Variants in SAXO1 observed in about 807,000 individuals in gnomAD.
The protein encoded by SAXO1 is stabilizer of axonemal microtubules 1.
SAXO1 carries 21 observed loss-of-function variants against 17.5 expected under a neutral mutation model. That is an observed-to-expected ratio of 1.20 (90% CI 0.85 to 1.72). The LOEUF is 1.72. SAXO1 is among the 40% of genes most tolerant of loss of function. The probability of loss-of-function intolerance (pLI) is 0.00; values close to 1 mark genes in which losing one functional copy is unlikely to be tolerated. For missense variants in SAXO1, 843 were observed against 596.0 expected (o/e 1.41, Z -4.32); for synonymous variants, 274 against 216.5 (o/e 1.27, Z -2.33).
At chr9:19,027,387 G>A (rs1563990708) in intron 1 of SAXO1, 2 of 766,350 alleles carry the variant, frequency 2.6e-6, no homozygotes, top group Admixed American at 3.4e-5. Context: ...AGAGACCCAC[G>A]GAGCAATACA....
intron 1 of SAXO1, among the ~76,000 whole-genome samples, chr9:19,044,873 G>A (rs527407323): frequency 1.9e-4 from 29 of 151,808 alleles, no homozygotes; most frequent in Non-Finnish European, 4.0e-4. Flanking sequence ...AAAAAAAAAC[G>A]AAAGCTGAAT....
At chr9:18,932,717 T>C (rs773014795) in intron 3 of SAXO1, among the ~76,000 whole-genome samples, 1 of 152,212 alleles carries the variant, frequency 6.6e-6, no homozygotes, top group African/African-American at 2.4e-5. Flanking sequence ...CCAGCAATCG[T>C]TGGTAGCTTT....
intron 1 of SAXO1, among the ~76,000 whole-genome samples, chr9:19,039,061 T>C (rs754395766): frequency 4.6e-5 from 7 of 151,720 alleles, no homozygotes; most frequent in Non-Finnish European, 1.0e-4. Flanking sequence ...AGCAACTCTT[T>C]ACAGAACATT....
chr9:18,953,543 G>C (rs2131735573), intron 1 of SAXO1, among the ~76,000 whole-genome samples: 1 of 152,204 alleles, frequency 6.6e-6, no homozygotes, highest in East Asian at 1.9e-4. Context: ...GTCTCACTTT[G>C]AAATATCAAA....
chr9:18,967,966 C>A lies in SAXO1; in HGVS notation c.39-17029G>T, dbSNP rs547338361. On this transcript the variant is annotated intron_variant, in intron 1 of 3. Transcript: ENST00000380534. ...GGCCAGATAGCACTGTCCTTCACGA[C>A]ACAGTCCCTCACAGCCTCCGATGGC... Among the ~76,000 whole-genome samples, 6 of 152,302 alleles carry A rather than the reference C, an allele frequency of 3.9e-5. No individual in the cohort carries two copies. The South Asian group carries it at 1.2e-3, about 32-fold the overall frequency.
At chr9:18,944,288 G>A (rs985399107) in intron 2 of SAXO1, among the ~76,000 whole-genome samples, 1 of 152,196 alleles carries the variant, frequency 6.6e-6, no homozygotes, top group South Asian at 2.1e-4. Context: ...CATAGTTACT[G>A]TGGCTTAGGA....
chr9:18,977,677 G>A (rs1257161195), intron 1 of SAXO1, among the ~76,000 whole-genome samples: 1 of 152,126 alleles, frequency 6.6e-6, no homozygotes, highest in Non-Finnish European at 1.5e-5. Flanking sequence ...AATGGCATGT[G>A]TATATACACA....
intron 1 of SAXO1, among the ~76,000 whole-genome samples, chr9:18,968,936 G>A (rs1197835810): frequency 6.6e-6 from 1 of 152,130 alleles, no homozygotes; most frequent in Non-Finnish European, 1.5e-5. Context: ...AGGTAGGTAG[G>A]GGTAAAAAAC....
At chr9:19,031,508 G>A (rs1269011319) in intron 1 of SAXO1, among the ~76,000 whole-genome samples, 2 of 152,246 alleles carry the variant, frequency 1.3e-5, no homozygotes, top group Non-Finnish European at 2.9e-5. Flanking sequence ...TTGCAGTGAA[G>A]CGAGATGGCA....
chr9:19,006,272 A>G (rs2130973417), intron 1 of SAXO1, among the ~76,000 whole-genome samples: 1 of 152,352 alleles, frequency 6.6e-6, no homozygotes, highest in East Asian at 1.9e-4. Flanking sequence ...ACTTTCAGGT[A>G]TGTATCCAAA....
At chr9:18,938,964 A>C (rs531821219) in intron 3 of SAXO1, among the ~76,000 whole-genome samples, 153 of 152,042 alleles carry the variant, frequency 1.0e-3, no homozygotes, top group South Asian at 1.9e-3. Flanking sequence ...CAAGACAAGC[A>C]AGGAGCATTT....
chr9:19,028,570 G>C lies in SAXO1; in HGVS notation c.38+4301C>G, dbSNP rs1835617090. Among the ~76,000 whole-genome samples the C allele has an allele frequency of 2.6e-5, 4 of 152,196 alleles. No homozygotes were observed. The South Asian group carries it at 8.3e-4, about 32-fold the overall frequency. On this transcript the variant is annotated intron_variant, in intron 1 of 3. Transcript: ENST00000380534. ...GTACATTAGTTTCAAAAAAAATTTA[G>C]ATGCTGACCTTACTGTTTCTGCAAA...
chr9:18,951,677 T>A (rs1410879451), intron 1 of SAXO1, among the ~76,000 whole-genome samples: 1 of 152,202 alleles, frequency 6.6e-6, no homozygotes, highest in East Asian at 1.9e-4. Context: ...TGTATGCCTG[T>A]CCCATCACTT....
chr9:18,936,145 C>T (rs371927197), intron 3 of SAXO1, among the ~76,000 whole-genome samples: 1 of 152,116 alleles, frequency 6.6e-6, no homozygotes, highest in Non-Finnish European at 1.5e-5. Flanking sequence ...CTCCTCATCT[C>T]CAGAAGTCCT....
chr9:19,000,483 C>T (rs997635021), intron 1 of SAXO1, among the ~76,000 whole-genome samples: 1 of 151,976 alleles, frequency 6.6e-6, no homozygotes, highest in Non-Finnish European at 1.5e-5. Context: ...GTGCCTCTGC[C>T]CGCCCACTGC....
At chr9:18,971,915 A>G (rs1239542328) in intron 1 of SAXO1, among the ~76,000 whole-genome samples, 1 of 121,764 alleles carries the variant, frequency 8.2e-6, no homozygotes, top group Admixed American at 9.3e-5. Context: ...ACCCCCAAAT[A>G]TCCTGCTTTA....
At chr9:19,015,106 C>T (rs761311511) in intron 1 of SAXO1, among the ~76,000 whole-genome samples, 11 of 152,062 alleles carry the variant, frequency 7.2e-5, no homozygotes, top group Non-Finnish European at 1.0e-4. Flanking sequence ...ACAACCCCTT[C>T]CAAAAAAGCC....
intron 1 of SAXO1, among the ~76,000 whole-genome samples, chr9:18,959,488 G>A (rs1219729022): frequency 6.6e-6 from 1 of 152,120 alleles, no homozygotes; most frequent in Non-Finnish European, 1.5e-5. Flanking sequence ...AAGCTAGGAA[G>A]AGATTCAAGG....
chr9:18,955,503 G>A (rs969483056), intron 1 of SAXO1, among the ~76,000 whole-genome samples: 1 of 152,120 alleles, frequency 6.6e-6, no homozygotes, highest in African/African-American at 2.4e-5. Flanking sequence ...AAGCACTTGG[G>A]TACTGGAAGT....
Sources: allele counts gnomAD v4.1 joint callset (sites outside exome capture counted in the v4.1 genomes callset), GRCh38; gene constraint gnomAD v4.1.1; transcripts MANE v1.5; gene names NCBI Gene and HGNC (gene_info 2026-07-23, HGNC 2026-07-21).